RBFOX1: variants seen among roughly 807,000 people sequenced by gnomAD.
The protein encoded by RBFOX1 is RNA binding fox-1 homolog 1, also known as RNA binding protein fox-1 homolog 1.
RBFOX1 carries 8 observed loss-of-function variants against 57.7 expected under a neutral mutation model. The ratio of observed to expected loss-of-function variants is 0.14; its 90% CI spans 0.08 to 0.25. The LOEUF is 0.25. Among genes scored for constraint, RBFOX1 ranks in the 10% least tolerant of loss-of-function variants. The pLI is 1.00. For missense variants in RBFOX1, 611 were observed against 548.5 expected, an observed-to-expected ratio of 1.11 and a Z score of -1.14; for synonymous variants, 326 against 222.4, an observed-to-expected ratio of 1.47 and a Z score of -4.15.
intron 3 of RBFOX1, among the ~76,000 whole-genome samples, chr16:7,041,968 A>G (rs1273523404): frequency 6.6e-6 from 1 of 152,194 alleles, no homozygotes; most frequent in Admixed American, 6.5e-5. Context: ...TAATATGGCT[A>G]ACGTTACTTA....
At chr16:7,243,884 C>A (rs919869498) in intron 4 of RBFOX1, among the ~76,000 whole-genome samples, 2 of 152,054 alleles carry the variant, frequency 1.3e-5, no homozygotes, top group African/African-American at 4.8e-5. Flanking sequence ...ATGTTATAAT[C>A]TGGGATTTCA....
chr16:5,604,651 A>G (rs1312930498), downstream of RBFOX1, among the ~76,000 whole-genome samples: 1 of 152,108 alleles, frequency 6.6e-6, no homozygotes, highest in Non-Finnish European at 1.5e-5. Flanking sequence ...CCTACATGCT[A>G]CTGATCATGG....
At chr16:6,550,692 C>A (rs1232782840) in intron 2 of RBFOX1, among the ~76,000 whole-genome samples, 1 of 152,186 alleles carries the variant, frequency 6.6e-6, no homozygotes, top group East Asian at 1.9e-4. Context: ...AAATCAATTT[C>A]TTCTTCTGCA....
chr16:5,353,124 A>C (rs544554721), intron 1 of RBFOX1, among the ~76,000 whole-genome samples: 1 of 152,174 alleles, frequency 6.6e-6, no homozygotes, highest in Non-Finnish European at 1.5e-5. Flanking sequence ...CTGTAATCCC[A>C]GCACTTTGGG....
chr16:7,665,197 C>G (rs188259572), intron 13 of RBFOX1, among the ~76,000 whole-genome samples: 1 of 152,072 alleles, frequency 6.6e-6, no homozygotes, highest in African/African-American at 2.4e-5. Flanking sequence ...AACTTCAGAA[C>G]GAATGCAATT....
intron 4 of RBFOX1, among the ~76,000 whole-genome samples, chr16:7,508,561 G>A (rs2074104389): frequency 1.3e-5 from 2 of 152,132 alleles, no homozygotes; most frequent in Admixed American, 6.5e-5. Flanking sequence ...AGGGCTGCTT[G>A]TTTTAACTCT....
chr16:5,864,406 A>C (rs760658313), intron 3 of RBFOX1, among the ~76,000 whole-genome samples: 1 of 152,162 alleles, frequency 6.6e-6, no homozygotes, highest in Non-Finnish European at 1.5e-5. Context: ...ACTTTTCTTC[A>C]CCCTTTGGGT....
chr16:7,363,441 G>T (rs1469172658), intron 4 of RBFOX1, among the ~76,000 whole-genome samples: 1 of 152,040 alleles, frequency 6.6e-6, no homozygotes, highest in Non-Finnish European at 1.5e-5. Context: ...CGTTAGAACA[G>T]TGTCTGAGCC....
chr16:5,327,806 C>T (rs1207716123), intron 1 of RBFOX1, among the ~76,000 whole-genome samples: 2 of 152,158 alleles, frequency 1.3e-5, no homozygotes, highest in Non-Finnish European at 2.9e-5. Context: ...CCTGTTAGTA[C>T]CCCTTGTAAA....
Position 7,112,792 on chromosome 16 carries a change from G to C in RBFOX1, c.27+60694G>C, listed in dbSNP as rs535302139. 2.6e-5 allele frequency among the ~76,000 whole-genome samples: 4 copies of C among 151,696 alleles called. No individual in the cohort carries two copies. In the South Asian group the frequency reaches 6.3e-4, roughly 24 times the overall value. ...GCTTCATTTCTGCAGTTTGTTAGTT[G>C]TGTGCTTACTCATCTGTTCTAGGCC... On this transcript the variant is annotated intron_variant, in intron 4 of 15. Coordinates refer to ENST00000550418, the MANE Select transcript of RBFOX1 (RefSeq NM_018723.4).
At chr16:6,676,595 C>T (rs949773757) in intron 3 of RBFOX1, among the ~76,000 whole-genome samples, 21 of 151,042 alleles carry the variant, frequency 1.4e-4, no homozygotes, top group East Asian at 5.8e-4. Flanking sequence ...AGGACCAGCT[C>T]GGAAAAAAGG....
At chr16:7,627,975 A>C (rs761521428) in intron 10 of RBFOX1, among the ~76,000 whole-genome samples, 7 of 151,946 alleles carry the variant, frequency 4.6e-5, no homozygotes, top group African/African-American at 7.3e-5. Flanking sequence ...CCAGGTTCTC[A>C]GAATCCACAG....
intron 2 of RBFOX1, among the ~76,000 whole-genome samples, chr16:6,628,220 C>T (rs568219077): frequency 2.0e-5 from 3 of 152,204 alleles, no homozygotes; most frequent in Non-Finnish European, 4.4e-5. Flanking sequence ...GGGTTAGCAT[C>T]TTAGGAATGT....
Position 7,585,070 on chromosome 16 carries a change from A to G in RBFOX1, c.415-2177A>G, listed in dbSNP as rs553576322. On this transcript the variant is annotated intron_variant, in intron 6 of 15. Coordinates refer to ENST00000550418, the MANE Select transcript of RBFOX1 (RefSeq NM_018723.4). Reference sequence around the variant, plus strand: ...ATGACAGTTGCATCGCGGTTTTGGAAGAAGTCCTTTTCAAGCTTCTCTTTC... The same window carrying G: ...ATGACAGTTGCATCGCGGTTTTGGAGGAAGTCCTTTTCAAGCTTCTCTTTC... Among the ~76,000 whole-genome samples, 44 of 152,346 alleles carry G rather than the reference A, an allele frequency of 2.9e-4. No homozygotes were observed. The South Asian group carries it at 5.6e-3, about 19-fold the overall frequency.
chr16:6,946,105 C>G (rs1469793290), intron 3 of RBFOX1, among the ~76,000 whole-genome samples: 5 of 152,186 alleles, frequency 3.3e-5, no homozygotes, highest in Non-Finnish European at 7.3e-5. Flanking sequence ...TCAGGATTTG[C>G]TTTATAAATA....
At chr16:7,407,665 A>C (rs924890784) in intron 4 of RBFOX1, among the ~76,000 whole-genome samples, 2 of 152,196 alleles carry the variant, frequency 1.3e-5, no homozygotes, top group African/African-American at 4.8e-5. Flanking sequence ...CATACCTATT[A>C]TCTTAATTGC....
At chr16:7,020,444 C>G (rs1035400818) in intron 3 of RBFOX1, among the ~76,000 whole-genome samples, 2 of 152,134 alleles carry the variant, frequency 1.3e-5, no homozygotes, top group Admixed American at 1.3e-4. Flanking sequence ...TGGTCTTGAA[C>G]TCCTGATCTT....
chr16:6,684,640 G>T (rs1013805677), intron 3 of RBFOX1, among the ~76,000 whole-genome samples: 1 of 152,132 alleles, frequency 6.6e-6, no homozygotes, highest in Non-Finnish European at 1.5e-5. Context: ...TGGAATGGGA[G>T]GTGGCTTCTT....
chr16:7,157,768 C>A lies in RBFOX1; in HGVS notation c.27+105670C>A, dbSNP rs745858014. On this transcript the variant is annotated intron_variant, in intron 4 of 15. Transcript: ENST00000550418. ...CAAGTGGAAACAGCTTCACAAAAAT[C>A]AGACTCTAGGCAAGAAATTGGATTT... Among the ~76,000 whole-genome samples, 5 of 152,140 alleles carry A rather than the reference C, an allele frequency of 3.3e-5. No individual in the cohort carries two copies. The South Asian group carries it at 8.3e-4, about 25-fold the overall frequency.
Sources: allele counts gnomAD v4.1 joint callset (sites outside exome capture counted in the v4.1 genomes callset), GRCh38; gene constraint gnomAD v4.1.1; transcripts MANE v1.5; gene names NCBI Gene and HGNC (gene_info 2026-07-23, HGNC 2026-07-21).